EDIL3: variants seen among roughly 807,000 people sequenced by gnomAD.
EDIL3 encodes EGF-like repeat and discoidin I-like domain-containing protein 3.
A neutral mutation model predicts 67.4 loss-of-function variants in EDIL3; 37 were observed. That is an observed-to-expected ratio of 0.55 (90% CI 0.42 to 0.72). EDIL3 has a LOEUF of 0.72. EDIL3 is among the 30% of genes least tolerant of loss of function. The pLI, the probability that EDIL3 is intolerant of heterozygous loss-of-function variation, is 0.00. For missense variants in EDIL3, 527 were observed against 586.3 expected, an observed-to-expected ratio of 0.90 and a Z score of 1.04; for synonymous variants, 195 against 196.3, an observed-to-expected ratio of 0.99 and a Z score of 0.05.
rs1046665672 is a variant in EDIL3, at chr5:84,007,667, C to T, written c.1138-44307G>A. The stretch of plus-strand genomic sequence containing the variant: ...TTGTGGAGAAAAGGGAACCCTCATA[C>T]ACTATTGGTGGGAATGTAAATTAGT... On this transcript the variant is annotated intron_variant, in intron 9 of 10. Coordinates refer to ENST00000296591, the MANE Select transcript of EDIL3 (RefSeq NM_005711.5). 1.8e-4 allele frequency among the ~76,000 whole-genome samples: 28 copies of T among 152,094 alleles called. 1 individual carries two copies. Among genetic ancestry groups the T allele is most frequent in the Admixed American group, 1.7e-3 (26 of 15,244 alleles).
At chr5:84,340,532 CTCTATATA>C (rs1318249181) in intron 1 of EDIL3, among the ~76,000 whole-genome samples, 383 of 66,538 alleles carry the variant, frequency 5.8e-3, no homozygotes, top group Non-Finnish European at 7.9e-3. Flanking sequence ...CTCTCTCTCT[CTCTATATA>C]TATATATATA....
chr5:84,008,469 A>T (rs559622779), intron 9 of EDIL3, among the ~76,000 whole-genome samples: 19 of 152,292 alleles, frequency 1.2e-4, no homozygotes, highest in Middle Eastern at 3.4e-3. Context: ...AGAGTGGATT[A>T]CATCACCCAG....
At chr5:83,996,544 T>C (rs148190771) in intron 9 of EDIL3, among the ~76,000 whole-genome samples, 136 of 152,330 alleles carry the variant, frequency 8.9e-4, no homozygotes, top group African/African-American at 3.0e-3. Flanking sequence ...AATGTTGGTA[T>C]AGCACATACT....
intron 3 of EDIL3, among the ~76,000 whole-genome samples, chr5:84,217,118 T>C (rs548863080): frequency 1.5e-4 from 21 of 141,118 alleles, no homozygotes; most frequent in African/African-American, 2.7e-4. Context: ...ATATTTAACA[T>C]TGGAGTAAAT....
chr5:84,338,483 C>T (rs1747033315), intron 1 of EDIL3, among the ~76,000 whole-genome samples: 1 of 152,160 alleles, frequency 6.6e-6, no homozygotes, highest in Admixed American at 6.6e-5. Flanking sequence ...CCCTCTCTGT[C>T]TCCCTCCCTC....
At chr5:84,136,791 T>A (rs2112315302) in intron 5 of EDIL3, among the ~76,000 whole-genome samples, 1 of 152,232 alleles carries the variant, frequency 6.6e-6, no homozygotes, top group Non-Finnish European at 1.5e-5. Flanking sequence ...CCTCTAAAAG[T>A]GCTGGGATTA....
chr5:84,149,145 G>A (rs993722471), intron 4 of EDIL3, among the ~76,000 whole-genome samples: 26 of 152,212 alleles, frequency 1.7e-4, no homozygotes, highest in African/African-American at 6.3e-4. Flanking sequence ...CTGGAGAGTC[G>A]ACGGAGGCTA....
chr5:84,380,732 T>A (rs1748058534), intron 1 of EDIL3, among the ~76,000 whole-genome samples: 1 of 152,104 alleles, frequency 6.6e-6, no homozygotes, highest in African/African-American at 2.4e-5. Flanking sequence ...TTTAGCTAAT[T>A]AAAACTTTAT....
At chr5:84,044,521 G>A (rs528356607) in intron 9 of EDIL3, among the ~76,000 whole-genome samples, 177 of 152,198 alleles carry the variant, frequency 1.2e-3, no homozygotes, top group African/African-American at 3.5e-3. Flanking sequence ...TTTTTAGGAC[G>A]AAATTTTCCT....
At chr5:84,277,306 G>C (rs184132773) in intron 1 of EDIL3, among the ~76,000 whole-genome samples, 3 of 152,190 alleles carry the variant, frequency 2.0e-5, no homozygotes, top group African/African-American at 7.2e-5. Context: ...ATACCGAGAA[G>C]AGAGCCGATC....
At chr5:84,301,554 G>T (rs1055194547) in intron 1 of EDIL3, among the ~76,000 whole-genome samples, 1 of 152,170 alleles carries the variant, frequency 6.6e-6, no homozygotes, top group Non-Finnish European at 1.5e-5. Flanking sequence ...TCTTGCTAAA[G>T]TATGTCAGCC....
intron 9 of EDIL3, among the ~76,000 whole-genome samples, chr5:84,058,937 T>G (rs895288261): frequency 6.6e-6 from 1 of 151,924 alleles, no homozygotes; most frequent in African/African-American, 2.4e-5. Flanking sequence ...CTTCAAAAAG[T>G]TCATAGAACG....
intron 1 of EDIL3, among the ~76,000 whole-genome samples, chr5:84,332,123 C>A (rs1231195688): frequency 2.6e-5 from 4 of 151,866 alleles, no homozygotes; most frequent in East Asian, 1.9e-4. Flanking sequence ...AATCACAACC[C>A]TTTGAGAGTC....
chr5:83,964,461 C>T (rs910960644), intron 9 of EDIL3, among the ~76,000 whole-genome samples: 23 of 151,708 alleles, frequency 1.5e-4, no homozygotes, highest in African/African-American at 5.3e-4. Flanking sequence ...GTGCTTTCAA[C>T]CACTATGTCC....
At chr5:83,963,130 C>A in intron 10 of EDIL3, 75 bp downstream of exon 10, 2 of 1,478,786 alleles carry the variant, frequency 1.4e-6, no homozygotes, top group Non-Finnish European at 1.8e-6. Flanking sequence ...GATGTATAAG[C>A]AGTTAATTCA....
At chr5:84,192,967 G>C (rs907977201) in intron 3 of EDIL3, among the ~76,000 whole-genome samples, 2 of 151,950 alleles carry the variant, frequency 1.3e-5, no homozygotes, top group Non-Finnish European at 2.9e-5. Flanking sequence ...TATTTCATTT[G>C]TAGGATGTAG....
At chr5:84,277,831 AT>A (rs1400962401) in intron 1 of EDIL3, among the ~76,000 whole-genome samples, 2 of 152,322 alleles carry the variant, frequency 1.3e-5, no homozygotes, top group East Asian at 1.9e-4. Context: ...AATACAGGAA[AT>A]AAACCCCTTT....
intron 9 of EDIL3, among the ~76,000 whole-genome samples, chr5:84,020,404 T>C (rs1477388260): frequency 6.6e-6 from 1 of 152,076 alleles, no homozygotes; most frequent in Non-Finnish European, 1.5e-5. Flanking sequence ...CAAACTCATT[T>C]CTTATTACAA....
At position 84,073,120 on chromosome 5, in the gene EDIL3, GA is replaced by G. The variant is rs554024026; in HGVS notation, c.652-6515del. ...CCACATGATTATCTCAATAGATGCA[GA>G]AAAGGCCTTTGACAAAATTCAACAA... On this transcript the variant is annotated intron_variant, in intron 6 of 10. Coordinates refer to ENST00000296591, the MANE Select transcript of EDIL3 (RefSeq NM_005711.5). Among the ~76,000 whole-genome samples, 15 of 152,246 alleles carry G rather than the reference GA, an allele frequency of 9.9e-5. No homozygotes were observed. In the South Asian group the frequency reaches 2.5e-3, roughly 25 times the overall value.
Sources: gnomAD v4.1 joint callset for allele counts (sites outside exome capture counted in the v4.1 genomes callset) on GRCh38, gnomAD v4.1.1 for gene constraint, MANE v1.5 for transcripts, NCBI Gene and HGNC (gene_info 2026-07-23, HGNC 2026-07-21) for gene names.